Variants in LETM1 observed in about 807,000 individuals in gnomAD.
LETM1 encodes leucine zipper and EF-hand containing transmembrane protein 1.
A neutral mutation model predicts 74.5 loss-of-function variants in LETM1; 50 were observed. That is an observed-to-expected ratio of 0.67 (90% CI 0.53 to 0.85). The LOEUF (loss-of-function observed/expected upper bound fraction) is 0.85. Ranked by LOEUF, LETM1 falls within the 40% of genes least tolerant of loss-of-function variation. LETM1 has a pLI of 0.00. For missense variants in LETM1, 824 were observed against 967.8 expected (o/e 0.85, Z 1.97); for synonymous variants, 446 against 407.1 (o/e 1.10, Z -1.15).
intron 7 of LETM1, among the ~76,000 whole-genome samples, chr4:1,824,079 T>G (rs972612320): frequency 6.6e-6 from 1 of 152,132 alleles, no homozygotes; most frequent in Middle Eastern, 3.4e-3. Flanking sequence ...TCCCAGCACT[T>G]TGGGAGGCCG....
intron 6 of LETM1, 129 bp downstream of exon 6, chr4:1,832,615 T>G (rs751841991): frequency 2.4e-6 from 2 of 833,128 alleles, no homozygotes; most frequent in Non-Finnish European, 3.9e-6. Context: ...GTGGCAAGAC[T>G]CCTAGTGAGC....
chr4:1,826,029 GGAGGGATGGAAGGC>G (rs1711974651), intron 6 of LETM1, among the ~76,000 whole-genome samples: 1 of 152,194 alleles, frequency 6.6e-6, no homozygotes, highest in Admixed American at 6.5e-5. Context: ...TGGAAAAGAA[GGAGGGATGGAAGGC>G]GAGGGAACCA....
At chr4:1,815,886 G>A in intron 12 of LETM1, 84 bp from the exon 13 acceptor site, 1 of 1,545,776 alleles carries the variant, frequency 6.5e-7, no homozygotes, top group South Asian at 1.2e-5. Context: ...GCTGCAAGTG[G>A]TCAGCACTGA....
At chr4:1,828,049 ACCCC>A in intron 6 of LETM1, among the ~76,000 whole-genome samples, 1 of 93,874 alleles carries the variant, frequency 1.1e-5, no homozygotes, top group East Asian at 3.3e-4. Flanking sequence ...AGGGGGGCTG[ACCCC>A]CCCCACCTCC....
At chr4:1,828,049 ACC>A (rs1368516939) in intron 6 of LETM1, among the ~76,000 whole-genome samples, 1 of 93,868 alleles carries the variant, frequency 1.1e-5, no homozygotes. Flanking sequence ...AGGGGGGCTG[ACC>A]CCCCCCACCT....
intron 6 of LETM1, among the ~76,000 whole-genome samples, chr4:1,826,916 C>A (rs551715967): frequency 6.6e-6 from 1 of 152,344 alleles, no homozygotes; most frequent in African/African-American, 2.4e-5. Flanking sequence ...CGGCGCTCCA[C>A]CCACGAAGGC....
intron 1 of LETM1, among the ~76,000 whole-genome samples, chr4:1,851,968 T>G (rs1178161278): frequency 1.7e-4 from 26 of 152,154 alleles, no homozygotes; most frequent in Admixed American, 1.7e-3. Context: ...CCGTTCGGGG[T>G]GATGGGGATC....
intron 6 of LETM1, among the ~76,000 whole-genome samples, chr4:1,831,790 G>A (rs1712280834): frequency 6.6e-6 from 1 of 152,218 alleles, no homozygotes; most frequent in Non-Finnish European, 1.5e-5. Context: ...GTTCAACACT[G>A]CCCTGAACCT....
At chr4:1,838,953 C>T (rs1258370806) in intron 3 of LETM1, among the ~76,000 whole-genome samples, 1 of 152,180 alleles carries the variant, frequency 6.6e-6, no homozygotes, top group African/African-American at 2.4e-5. Context: ...GAGATTCCAT[C>T]TCTTTTAAAT....
intron 12 of LETM1, among the ~76,000 whole-genome samples, 194 bp downstream of exon 12, chr4:1,816,533 C>G (rs538468000): frequency 8.5e-5 from 13 of 152,282 alleles, no homozygotes; most frequent in African/African-American, 2.9e-4. Flanking sequence ...AAGGGACGAA[C>G]TGCTCTCGGA....
chr4:1,831,390 T>A (rs981778489), intron 6 of LETM1, among the ~76,000 whole-genome samples: 2 of 152,196 alleles, frequency 1.3e-5, no homozygotes, highest in African/African-American at 4.8e-5. Context: ...CTCTCACAGG[T>A]GTCTCCCCCA....
intron 6 of LETM1, among the ~76,000 whole-genome samples, chr4:1,827,984 G>A (rs1266541996): frequency 2.1e-5 from 3 of 143,258 alleles, no homozygotes; most frequent in Non-Finnish European, 1.5e-5. Flanking sequence ...CCACTTCCCA[G>A]CAGGGGCGGC....
intron 6 of LETM1, among the ~76,000 whole-genome samples, chr4:1,826,679 A>G (rs2108841134): frequency 6.6e-6 from 1 of 152,370 alleles, no homozygotes. Flanking sequence ...ATTCTGCAGC[A>G]TGCGTGCCCT....
At position 1,834,464 on chromosome 4, in the gene LETM1, G is replaced by C; in HGVS notation, c.876+381C>G. ...GGCCTCTGACCAGCCCCTGGGACCT[G>C]GGATCTTCTTGACTGACTCCAGCCA... On this transcript the variant is annotated intron_variant, in intron 5 of 13. Transcript: ENST00000302787. The surrounding 1 kb of genome is among the most constrained non-coding windows in gnomAD (Gnocchi z 5.0). 9.7e-7 allele frequency: 1 copy of C among 1,033,620 alleles called. No homozygotes were observed. Among genetic ancestry groups the C allele is most frequent in the Non-Finnish European group, 1.2e-6 (1 of 860,012 alleles). 64.0% of individuals were successfully genotyped at this position (1,033,620 alleles called of 1,614,324 possible).
chr4:1,837,337 C>T (rs1712493689), intron 3 of LETM1, among the ~76,000 whole-genome samples: 1 of 152,206 alleles, frequency 6.6e-6, no homozygotes, highest in Non-Finnish European at 1.5e-5. Context: ...AGCCAGCCTC[C>T]ACTCTCATGG....
intron 1 of LETM1, among the ~76,000 whole-genome samples, chr4:1,854,546 C>A (rs1713174320): frequency 6.6e-6 from 1 of 151,470 alleles, no homozygotes; most frequent in South Asian, 2.1e-4. Flanking sequence ...GTAATCCCAG[C>A]ACTTTGGGAG....
At chr4:1,835,020 A>G (rs764704720) in intron 4 of LETM1, 38 bp from the exon 5 acceptor site, 4 of 1,598,876 alleles carry the variant, frequency 2.5e-6, no homozygotes, top group Admixed American at 1.7e-5. Context: ...CCAACTGCTC[A>G]GACTGTGGTT....
chr4:1,842,111 C>T (rs145477103), intron 2 of LETM1, among the ~76,000 whole-genome samples: 1 of 152,250 alleles, frequency 6.6e-6, no homozygotes, highest in East Asian at 1.9e-4. Flanking sequence ...GTGGGTCTCC[C>T]AGGCCCACTC....
chr4:1,848,055 A>G (rs1358824065), intron 2 of LETM1, among the ~76,000 whole-genome samples: 1 of 152,004 alleles, frequency 6.6e-6, no homozygotes. Context: ...GACATAAGAA[A>G]ACCAATTTCT....
Sources: gnomAD v4.1 joint callset for allele counts (sites outside exome capture counted in the v4.1 genomes callset) on GRCh38, gnomAD v4.1.1 for gene constraint, Gnocchi (gnomAD v3.1) non-coding constraint, MANE v1.5 for transcripts, NCBI Gene and HGNC (gene_info 2026-07-23, HGNC 2026-07-21) for gene names.